The following SEMA5B variants were observed in gnomAD, a reference collection of about 807,000 sequenced individuals.
SEMA5B encodes the protein semaphorin-5B.
SEMA5B carries 66 observed loss-of-function variants against 135.0 expected under a neutral mutation model. That is an observed-to-expected ratio of 0.49 (90% CI 0.40 to 0.60). SEMA5B has a LOEUF of 0.60. Among genes scored for constraint, SEMA5B ranks in the 20% least tolerant of loss-of-function variants. The pLI is 0.00. For missense variants in SEMA5B, 1,501 were observed against 1,566.3 expected, an observed-to-expected ratio of 0.96 and a Z score of 0.70; for synonymous variants, 690 against 639.5, an observed-to-expected ratio of 1.08 and a Z score of -1.19.
rs750744153 is a variant in SEMA5B, at chr3:122,927,932, G to A, written c.708C>T (p.Asn236=). ...CCTGGGAGGAGATGACAGCTGTGGAGTTGTGGCGTGGGTCATAGGGGCAGC... is the reference window on the plus strand; with the variant it reads ...CCTGGGAGGAGATGACAGCTGTGGAATTGTGGCGTGGGTCATAGGGGCAGC... ...VARCPYDPRH[N]STAVISSQGE... The change falls in exon 8 of 23, where the codon AAC becomes AAT. Residue 236 remains asparagine (N), a synonymous_variant. Transcript: ENST00000357599. 1.3e-6 allele frequency: 2 copies of A among 1,592,022 alleles called. No individual in the cohort carries two copies.
intron 3 of SEMA5B, among the ~76,000 whole-genome samples, chr3:122,947,607 G>C (rs1352501945): frequency 6.6e-6 from 1 of 152,188 alleles, no homozygotes; most frequent in East Asian, 1.9e-4. Flanking sequence ...CAGAACTGAG[G>C]ACTGGCTCTG....
chr3:122,953,731 A>G (rs1289112707), intron 2 of SEMA5B, among the ~76,000 whole-genome samples: 1 of 152,212 alleles, frequency 6.6e-6, no homozygotes, highest in African/African-American at 2.4e-5. Context: ...ATTGGTTCCC[A>G]TATCACTGGA....
At chr3:122,919,522 T>A (rs951788309) in intron 12 of SEMA5B, among the ~76,000 whole-genome samples, 2 of 152,116 alleles carry the variant, frequency 1.3e-5, no homozygotes, top group Non-Finnish European at 2.9e-5. Context: ...AGGCCTCTGC[T>A]TACCCACCCT....
intron 1 of SEMA5B, among the ~76,000 whole-genome samples, chr3:122,969,103 A>G (rs1388775602): frequency 6.6e-6 from 1 of 152,166 alleles, no homozygotes; most frequent in Non-Finnish European, 1.5e-5. Flanking sequence ...TTATTTTTCA[A>G]ATGTGATCTC....
chr3:122,968,936 C>T (rs1940996687), intron 1 of SEMA5B, among the ~76,000 whole-genome samples: 1 of 152,210 alleles, frequency 6.6e-6, no homozygotes, highest in African/African-American at 2.4e-5. Context: ...CTTACCAATG[C>T]TTACGTCTGA....
Position 122,909,082 on chromosome 3 carries a change from G to T in SEMA5B, c.*1061C>A, listed in dbSNP as rs140405867. 0.043 allele frequency: 6,633 copies of T among 152,668 alleles called. 161 individuals are homozygous for T. The highest frequency in any genetic ancestry group is 0.071 in the Middle Eastern group (21 of 294). 9.5% of individuals were successfully genotyped at this position (152,668 alleles called of 1,614,324 possible). A position where few individuals can be genotyped will look rare whatever the true frequency, so the allele number is the denominator to read the frequency against. The stretch of plus-strand genomic sequence containing the variant: ...AAAGATATCATCTATTAAAGATAAG[G>T]CTACTTGGGGCATTTCCCCCGCCTT... On this transcript the variant is annotated 3_prime_UTR_variant, in exon 23 of 23. Coordinates refer to ENST00000357599, the MANE Select transcript of SEMA5B (RefSeq NM_001031702.4).
intron 20 of SEMA5B, 141 bp downstream of exon 20, chr3:122,911,779 T>C: frequency 8.4e-7 from 1 of 1,193,958 alleles, no homozygotes; most frequent in Non-Finnish European, 1.1e-6. Flanking sequence ...GGGAGTTTTC[T>C]TTCGGCATCT....
At chr3:122,926,318 G>T in intron 9 of SEMA5B, 74 bp downstream of exon 9, 1 of 1,429,384 alleles carries the variant, frequency 7.0e-7, no homozygotes, top group Non-Finnish European at 9.5e-7. Flanking sequence ...TTTTATAGAT[G>T]AAGCCCACCA....
intron 3 of SEMA5B, among the ~76,000 whole-genome samples, chr3:122,948,201 C>T (rs1939875242): frequency 6.6e-6 from 1 of 152,144 alleles, no homozygotes; most frequent in Non-Finnish European, 1.5e-5. Context: ...CCCCTGGCCA[C>T]CCCCAGCCAG....
intron 12 of SEMA5B, among the ~76,000 whole-genome samples, chr3:122,918,993 CTTTTT>C (rs63373262): frequency 0.023 from 1,820 of 80,356 alleles, 48 homozygotes; most frequent in African/African-American, 0.071. Flanking sequence ...ATCACCATGT[CTTTTT>C]TTTTTTTTTT....
chr3:122,915,866 C>A lies in SEMA5B; in HGVS notation c.1713G>T (p.Pro571=), dbSNP rs9812408. 1 of 1,613,886 alleles carries A rather than the reference C, an allele frequency of 6.2e-7. No homozygotes were observed. The highest frequency in any genetic ancestry group is 8.5e-7 in the Non-Finnish European group (1 of 1,179,938). ...SQGACLGARD[P]YCGWDGKQQR... ...GCTGCTTCCCGTCCCAGCCACAGTA[C>A]GGGTCCCGGGCCCCCAGGCATGCCC... The change falls in exon 13 of 23, where the codon CCG becomes CCT. Residue 571 remains proline (P), a synonymous_variant. Coordinates refer to ENST00000357599, the MANE Select transcript of SEMA5B (RefSeq NM_001031702.4).
chr3:122,913,859 G>A lies in SEMA5B; in HGVS notation c.2131C>T (p.Arg711Trp). 3 of 1,601,946 alleles carry A rather than the reference G, an allele frequency of 1.9e-6. No individual in the cohort carries two copies. Among genetic ancestry groups the A allele is most frequent in the East Asian group, 2.2e-5 (1 of 44,758 alleles). Residue 711 changes from arginine (R) to tryptophan (W), a missense_variant and splice_region_variant, in exon 15 of 23, where the codon CGG becomes TGG. Physicochemically the swap from Arg to Trp is moderately radical, Grantham distance 101. Coordinates refer to ENST00000357599, the MANE Select transcript of SEMA5B (RefSeq NM_001031702.4). Reference protein sequence around the residue: ...RICVGKSREERFCNENTPCPV... With the variant: ...RICVGKSREEWFCNENTPCPV... Reference sequence around the variant, plus strand: ...CAGAGCAAGCCTGTTCTCCCTCACCGTTCCTCCCGGCTCTTGCCCACGCAG... The same window carrying A: ...CAGAGCAAGCCTGTTCTCCCTCACCATTCCTCCCGGCTCTTGCCCACGCAG...
At chr3:122,945,549 C>T (rs1344287911) in intron 3 of SEMA5B, among the ~76,000 whole-genome samples, 1 of 152,124 alleles carries the variant, frequency 6.6e-6, no homozygotes, top group East Asian at 1.9e-4. Context: ...TATTTGACCA[C>T]TCTGAATGTG....
chr3:122,990,492 T>A (rs550336307), intron 1 of SEMA5B, among the ~76,000 whole-genome samples: 30 of 152,186 alleles, frequency 2.0e-4, no homozygotes, highest in Non-Finnish European at 4.0e-4. Flanking sequence ...CAACCAGGTG[T>A]AACTTTGCCT....
At chr3:122,952,970 C>A (rs559887294) in intron 2 of SEMA5B, among the ~76,000 whole-genome samples, 30 of 152,296 alleles carry the variant, frequency 2.0e-4, no homozygotes, top group African/African-American at 7.0e-4. Context: ...AGGGAGTTAT[C>A]CCATATGGTT....
In SEMA5B at chr3:123,026,580, C is replaced by T. The variant is rs546372735; in HGVS notation, c.-39+884G>A. Among the ~76,000 whole-genome samples, 294 of 152,296 alleles carry T rather than the reference C, an allele frequency of 1.9e-3. 2 individuals are homozygous for T. Among genetic ancestry groups the T allele is most frequent in the Non-Finnish European group, 3.3e-3 (226 of 68,010 alleles). ...CTCGAGCCTCGCCTTCTTCCTCCGC[C>T]GGTCCGGCGACCACTTCCCTCTTGG... On this transcript the variant is annotated intron_variant, in intron 1 of 22. Coordinates refer to ENST00000357599, the MANE Select transcript of SEMA5B (RefSeq NM_001031702.4).
chr3:122,937,269 G>A (rs1381092801), intron 5 of SEMA5B, among the ~76,000 whole-genome samples: 2 of 152,194 alleles, frequency 1.3e-5, no homozygotes, highest in Non-Finnish European at 2.9e-5. Flanking sequence ...CAAAGCTCCC[G>A]GAGAGGGCAC....
chr3:122,914,245 C>T (rs1265160645), intron 14 of SEMA5B, among the ~76,000 whole-genome samples: 1 of 152,204 alleles, frequency 6.6e-6, no homozygotes, highest in Non-Finnish European at 1.5e-5. Context: ...GGACTAAGGA[C>T]GTAGAGGTAG....
intron 5 of SEMA5B, among the ~76,000 whole-genome samples, chr3:122,930,538 T>C (rs1020726888): frequency 1.3e-5 from 2 of 152,188 alleles, no homozygotes; most frequent in Non-Finnish European, 2.9e-5. Context: ...GCCACAAACA[T>C]TGCAGTTGTG....
Sources: gnomAD v4.1 joint callset for allele counts (sites outside exome capture counted in the v4.1 genomes callset) on GRCh38, gnomAD v4.1.1 for gene constraint, MANE v1.5 for transcripts, NCBI Gene and HGNC (gene_info 2026-07-23, HGNC 2026-07-21) for gene names.